ABL1: variants seen among roughly 807,000 people sequenced by gnomAD.
ABL1 encodes the protein tyrosine-protein kinase ABL1.
ABL1 carries 11 observed loss-of-function variants against 94.7 expected under a neutral mutation model. The ratio of observed to expected loss-of-function variants is 0.12; its 90% CI spans 0.07 to 0.19. ABL1 has a LOEUF of 0.19. Ranked by LOEUF, ABL1 falls within the 10% of genes least tolerant of loss-of-function variation. The pLI is 1.00. For synonymous variants in ABL1, 656 were observed against 622.4 expected (o/e 1.05, Z -0.80); for missense variants, 1,082 against 1,489.4 (o/e 0.73, Z 4.50).
chr9:130,725,607 T>A (rs1291941184), intron 1 of ABL1, among the ~76,000 whole-genome samples: 9 of 151,996 alleles, frequency 5.9e-5, no homozygotes, highest in African/African-American at 2.2e-4. Flanking sequence ...CTCGAACTCC[T>A]GACCTCAGGT....
intron 1 of ABL1, among the ~76,000 whole-genome samples, chr9:130,798,814 A>G (rs189637495): frequency 2.4e-3 from 364 of 152,064 alleles, no homozygotes; most frequent in Non-Finnish European, 3.7e-3. Flanking sequence ...TAAAAATACA[A>G]AAAAGAATTA....
chr9:130,819,404 G>T lies in ABL1; in HGVS notation c.137-34660G>T, dbSNP rs116466978. Among the ~76,000 whole-genome samples the T allele has an allele frequency of 6.1e-3, 932 of 151,858 alleles. 8 individuals carry two copies. The highest frequency in any genetic ancestry group is 0.021 in the African/African-American group (874 of 41,440). On this transcript the variant is annotated intron_variant, in intron 1 of 10. Transcript: ENST00000372348. ...AAAATAAATTTTCTCATCCTTTTTT[G>T]TCATCTTCATCACAGCTGCCTCTCT...
upstream of ABL1, among the ~76,000 whole-genome samples, chr9:130,832,228 A>G (rs1056656493): frequency 1.1e-4 from 16 of 150,400 alleles, no homozygotes; most frequent in Non-Finnish European, 1.9e-4. Flanking sequence ...GGTTCAAGCA[A>G]TTCTCTGCCT....
intron 8 of ABL1, among the ~76,000 whole-genome samples, chr9:130,879,850 GT>G (rs1280480564): frequency 6.6e-6 from 1 of 152,196 alleles, no homozygotes; most frequent in African/African-American, 2.4e-5. Context: ...TCTCTCTGGG[GT>G]TTTACAATCC....
At chr9:130,740,614 A>G (rs1374534076) in intron 1 of ABL1, among the ~76,000 whole-genome samples, 4 of 152,138 alleles carry the variant, frequency 2.6e-5, no homozygotes, top group Admixed American at 6.5e-5. Flanking sequence ...CAATTTTACT[A>G]TGATCTCAGT....
At chr9:130,734,145 G>C (rs537612530) in intron 1 of ABL1, among the ~76,000 whole-genome samples, 10 of 152,014 alleles carry the variant, frequency 6.6e-5, no homozygotes, top group African/African-American at 2.4e-4. Flanking sequence ...GTGGGGTCTA[G>C]CTTTAGAATT....
chr9:130,881,490 C>G (rs140845151), intron 10 of ABL1, among the ~76,000 whole-genome samples: 2 of 152,304 alleles, frequency 1.3e-5, no homozygotes, highest in Non-Finnish European at 2.9e-5. Context: ...TACTTGGCGG[C>G]AGGCAAGAGA....
intron 1 of ABL1, among the ~76,000 whole-genome samples, chr9:130,844,776 G>C (rs1830736684): frequency 6.6e-6 from 1 of 152,162 alleles, no homozygotes; most frequent in Admixed American, 6.5e-5. Context: ...ACTCCAGCCT[G>C]AATGACAAGA....
chr9:130,716,043 T>C (rs76280359), intron 1 of ABL1, among the ~76,000 whole-genome samples: 65 of 136,034 alleles, frequency 4.8e-4, no homozygotes, highest in Admixed American at 8.9e-4. Flanking sequence ...CACACACACA[T>C]ATATATCCAC....
intron 1 of ABL1, among the ~76,000 whole-genome samples, chr9:130,794,638 A>G (rs1588241404): frequency 1.3e-5 from 2 of 152,290 alleles, no homozygotes; most frequent in Middle Eastern, 6.8e-3. Context: ...TACTGGCTGT[A>G]TTGGGTGAGA....
intron 8 of ABL1, among the ~76,000 whole-genome samples, 191 bp downstream of exon 8, chr9:130,878,758 G>A (rs1473204002): frequency 6.6e-6 from 1 of 151,960 alleles, no homozygotes; most frequent in Non-Finnish European, 1.5e-5. Flanking sequence ...TGCGTGACTT[G>A]TCTTTTAAAG....
At chr9:130,743,173 A>G (rs1035718523) in intron 1 of ABL1, among the ~76,000 whole-genome samples, 7 of 152,184 alleles carry the variant, frequency 4.6e-5, no homozygotes, top group African/African-American at 1.7e-4. Context: ...CCTGGGTTCA[A>G]GTGATTCTCC....
intron 1 of ABL1, among the ~76,000 whole-genome samples, chr9:130,804,507 C>T (rs1564294784): frequency 1.3e-5 from 2 of 152,166 alleles, no homozygotes; most frequent in Non-Finnish European, 2.9e-5. Flanking sequence ...TCGCTTGAAC[C>T]CGGGAGGTGG....
chr9:130,716,169 A>C (rs1831437335), intron 1 of ABL1, among the ~76,000 whole-genome samples: 1 of 135,146 alleles, frequency 7.4e-6, no homozygotes, highest in Non-Finnish European at 1.5e-5. Flanking sequence ...ATCTCGGCTC[A>C]CTGTAACTTC....
chr9:130,722,402 T>G (rs1831528173), intron 1 of ABL1, among the ~76,000 whole-genome samples: 2 of 150,316 alleles, frequency 1.3e-5, no homozygotes, highest in Middle Eastern at 3.4e-3. Flanking sequence ...CAAAAAAAAA[T>G]AAAAAGGTTA....
intron 1 of ABL1, among the ~76,000 whole-genome samples, chr9:130,777,070 T>A (rs1408623825): frequency 6.6e-6 from 1 of 152,262 alleles, no homozygotes; most frequent in African/African-American, 2.4e-5. Context: ...AGTATCACAT[T>A]CTTGATTTCT....
chr9:130,786,111 G>T (rs573709115), intron 1 of ABL1, among the ~76,000 whole-genome samples: 1 of 152,296 alleles, frequency 6.6e-6, no homozygotes, highest in Admixed American at 6.5e-5. Context: ...ACCATCCACA[G>T]GGCAGAAAGG....
In ABL1 at chr9:130,856,372, G is replaced by A. The variant is rs1488625558; in HGVS notation, c.549+1276G>A. On this transcript the variant is annotated intron_variant, in intron 3 of 10. Coordinates refer to ENST00000318560, the MANE Select transcript of ABL1 (RefSeq NM_005157.6). ...CAAAGTGCTGGGATTACAGGCGTGA[G>A]CCACCACGCCTGGCCGTTTTTGTAT... Among the ~76,000 whole-genome samples the A allele has an allele frequency of 2.0e-5, 3 of 152,122 alleles. No homozygotes were observed. The East Asian group carries it at 5.8e-4, about 29-fold the overall frequency.
chr9:130,780,882 T>C (rs1194027733), intron 1 of ABL1, among the ~76,000 whole-genome samples: 6 of 152,210 alleles, frequency 3.9e-5, no homozygotes, highest in Non-Finnish European at 8.8e-5. Context: ...GTTTTGCCTG[T>C]TGAAGAAGGT....
Sources: gnomAD v4.1 joint callset for allele counts (sites outside exome capture counted in the v4.1 genomes callset) on GRCh38, gnomAD v4.1.1 for gene constraint, MANE v1.5 for transcripts, NCBI Gene and HGNC (gene_info 2026-07-23, HGNC 2026-07-21) for gene names.